Variants in KCNMA1 observed in about 807,000 individuals in gnomAD.
KCNMA1 encodes Calcium-activated potassium channel subunit alpha-1.
In KCNMA1, 29 loss-of-function variants were observed where a neutral mutation model predicts 140.0. The ratio of observed to expected loss-of-function variants is 0.21; its 90% CI spans 0.15 to 0.28. KCNMA1 has a LOEUF of 0.28. Ranked by LOEUF, KCNMA1 falls within the 10% of genes least tolerant of loss-of-function variation. The pLI is 1.00. For missense variants in KCNMA1, 880 were observed against 1,602.2 expected, an observed-to-expected ratio of 0.55 and a Z score of 7.70; for synonymous variants, 612 against 611.9, an observed-to-expected ratio of 1.00 and a Z score of 0.00.
chr10:77,205,135 T>C (rs2043664440), intron 3 of KCNMA1, among the ~76,000 whole-genome samples: 1 of 152,208 alleles, frequency 6.6e-6, no homozygotes, highest in Non-Finnish European at 1.5e-5. Flanking sequence ...ATGGGTCTGT[T>C]ACTATGCAGT....
intron 9 of KCNMA1, 156 bp from the exon 10 acceptor site, chr10:77,090,666 G>T: frequency 1.5e-6 from 1 of 660,902 alleles, no homozygotes; most frequent in Non-Finnish European, 2.7e-6. Flanking sequence ...CCAGAGGGCA[G>T]TGAGGCAAAG....
At chr10:76,935,419 T>C (rs1907731) in intron 23 of KCNMA1, among the ~76,000 whole-genome samples, 10,073 of 152,254 alleles carry the variant, frequency 0.066, 534 homozygotes, top group Admixed American at 0.19. Context: ...GAGAAAAGCA[T>C]AGACTTTGAA....
chr10:77,325,475 A>G (rs2083827476), intron 2 of KCNMA1, among the ~76,000 whole-genome samples: 1 of 152,224 alleles, frequency 6.6e-6, no homozygotes, highest in African/African-American at 2.4e-5. Context: ...CAGCTTGGGT[A>G]GCTGACTAAG....
chr10:77,312,490 G>C (rs1000222903), intron 2 of KCNMA1, among the ~76,000 whole-genome samples: 5 of 152,200 alleles, frequency 3.3e-5, no homozygotes, highest in Admixed American at 1.3e-4. Context: ...ACTGGGAATG[G>C]TGATGCACAT....
At chr10:77,042,813 A>G (rs2094812497) in intron 14 of KCNMA1, among the ~76,000 whole-genome samples, 1 of 152,158 alleles carries the variant, frequency 6.6e-6, no homozygotes, top group Non-Finnish European at 1.5e-5. Context: ...AATATTATTC[A>G]TGTTTGTTTT....
At chr10:76,965,473 G>GT (rs769234942) in intron 20 of KCNMA1, among the ~76,000 whole-genome samples, 9 of 152,058 alleles carry the variant, frequency 5.9e-5, no homozygotes, top group Non-Finnish European at 1.3e-4. Context: ...TGCCACCAGT[G>GT]ATTCCCCCAA....
intron 2 of KCNMA1, among the ~76,000 whole-genome samples, chr10:77,258,405 C>A (rs1045956598): frequency 1.3e-4 from 20 of 152,166 alleles, no homozygotes; most frequent in Middle Eastern, 3.4e-3. Context: ...ATAGAAGGGC[C>A]ATGGATCAGC....
At chr10:76,977,262 G>A (rs537707547) in intron 19 of KCNMA1, among the ~76,000 whole-genome samples, 5 of 152,276 alleles carry the variant, frequency 3.3e-5, no homozygotes, top group Admixed American at 3.3e-4. Flanking sequence ...AAGTTCAGGG[G>A]TCAGCAAACT....
chr10:77,018,947 T>C, intron 17 of KCNMA1, 66 bp downstream of exon 17: 1 of 885,942 alleles, frequency 1.1e-6, no homozygotes. Flanking sequence ...GAAGCCTGCC[T>C]ACTTCCGTGG....
rs924858439 is a variant in KCNMA1 at position 77,002,081 on chromosome 10, G to A, written c.2093-501C>T. ...ATTTCCATCCATTTCTGGGCATTAG[G>A]CAGAGGCTGGGACAAGCTTTCATCA... On this transcript the variant is annotated intron_variant, in intron 18 of 27. Coordinates refer to ENST00000286628, the MANE Select transcript of KCNMA1 (RefSeq NM_001161352.2). 4.6e-5 allele frequency among the ~76,000 whole-genome samples: 7 copies of A among 152,284 alleles called. No homozygotes were observed. In the South Asian group the frequency reaches 8.3e-4, roughly 18 times the overall value.
At chr10:77,444,433 G>A (rs7895934) in intron 1 of KCNMA1, among the ~76,000 whole-genome samples, 12,277 of 152,220 alleles carry the variant, frequency 0.081, 761 homozygotes, top group African/African-American at 0.17. Flanking sequence ...GATGAAGTAC[G>A]GTGTAGGTGG....
chr10:77,591,030 G>T (rs1294600665), intron 1 of KCNMA1, among the ~76,000 whole-genome samples: 1 of 152,154 alleles, frequency 6.6e-6, no homozygotes, highest in Non-Finnish European at 1.5e-5. Context: ...ACCTCATATG[G>T]TGCCAGCAGA....
At chr10:77,249,663 G>A (rs950103138) in intron 3 of KCNMA1, 3 of 152,130 alleles carry the variant, frequency 2.0e-5, no homozygotes, top group Admixed American at 1.3e-4. Context: ...TGCACCCCAC[G>A]ACATGTAAGA....
chr10:76,925,416 T>C (rs957910789), intron 23 of KCNMA1, among the ~76,000 whole-genome samples: 2 of 152,224 alleles, frequency 1.3e-5, no homozygotes, highest in African/African-American at 4.8e-5. Context: ...AGAGGCTTAC[T>C]ATGCCAGGGA....
intron 5 of KCNMA1, among the ~76,000 whole-genome samples, chr10:77,170,361 G>A (rs2098690562): frequency 6.6e-6 from 1 of 152,202 alleles, no homozygotes. Context: ...CCCTGCTATT[G>A]GAGAGAGGCT....
rs1460157433 is a variant in KCNMA1, at chr10:77,403,850, G to A, written c.540+12C>T. The stretch of plus-strand genomic sequence containing the variant: ...CAAGGCCTCCTGGTGTGAGAAGTGG[G>A]TGGAGACTCACCAGGACTCTGCCAG... On this transcript the variant is annotated intron_variant, in intron 2 of 27. Transcript: ENST00000286628. 1 of 1,610,118 alleles carries A rather than the reference G, an allele frequency of 6.2e-7. No homozygotes were observed. Among genetic ancestry groups the A allele is most frequent in the Non-Finnish European group, 8.5e-7 (1 of 1,177,338 alleles).
At chr10:77,053,269 A>C (rs780748591) in intron 14 of KCNMA1, among the ~76,000 whole-genome samples, 8 of 152,146 alleles carry the variant, frequency 5.3e-5, no homozygotes, top group Non-Finnish European at 1.2e-4. Flanking sequence ...TGCAGTCAAC[A>C]CCAGTGCAGA....
At chr10:77,194,483 T>A (rs2039749351) in intron 3 of KCNMA1, among the ~76,000 whole-genome samples, 1 of 152,178 alleles carries the variant, frequency 6.6e-6, no homozygotes, top group Non-Finnish European at 1.5e-5. Flanking sequence ...CTGTCATACC[T>A]GGATGGCATG....
intron 1 of KCNMA1, among the ~76,000 whole-genome samples, chr10:77,473,701 C>T (rs1397673140): frequency 6.6e-6 from 1 of 152,114 alleles, no homozygotes; most frequent in African/African-American, 2.4e-5. Context: ...TTCCAATTGC[C>T]TCCCACCTTG....
Sources: gnomAD v4.1 joint callset for allele counts (sites outside exome capture counted in the v4.1 genomes callset) on GRCh38, gnomAD v4.1.1 for gene constraint, MANE v1.5 for transcripts, NCBI Gene and HGNC (gene_info 2026-07-23, HGNC 2026-07-21) for gene names.